The following HIVEP3 variants were observed in gnomAD, a reference collection of about 807,000 sequenced individuals.
HIVEP3 encodes transcription factor HIVEP3.
In HIVEP3, 49 loss-of-function variants were observed where a neutral mutation model predicts 152.8. The ratio of observed to expected loss-of-function variants is 0.32; its 90% CI spans 0.26 to 0.41. The LOEUF (loss-of-function observed/expected upper bound fraction) is 0.41. HIVEP3 is among the 10% of genes least tolerant of loss of function. The probability of loss-of-function intolerance (pLI) is 1.00; values close to 1 mark genes in which losing one functional copy is unlikely to be tolerated. For synonymous variants in HIVEP3, 1,269 were observed against 1,289.0 expected, an observed-to-expected ratio of 0.98 and a Z score of 0.33; for missense variants, 2,790 against 3,103.3, an observed-to-expected ratio of 0.90 and a Z score of 2.40.
chr1:41,718,797 C>T (rs997634383), intron 1 of HIVEP3, among the ~76,000 whole-genome samples: 4 of 146,876 alleles, frequency 2.7e-5, no homozygotes, highest in African/African-American at 5.4e-5. Flanking sequence ...CACACACACA[C>T]GTGCACACAC....
chr1:41,706,364 C>T (rs1327811445), intron 1 of HIVEP3, among the ~76,000 whole-genome samples: 5 of 152,160 alleles, frequency 3.3e-5, no homozygotes, highest in Non-Finnish European at 5.9e-5. Context: ...TCACTGCAAC[C>T]TCTGCCTCCC....
chr1:41,894,822 A>C (rs1356607383), intron 1 of HIVEP3, among the ~76,000 whole-genome samples: 2 of 152,212 alleles, frequency 1.3e-5, no homozygotes, highest in Non-Finnish European at 2.9e-5. Context: ...GAAAGGTCCC[A>C]AGTCTGTCTA....
At chr1:41,564,007 C>G (rs1339021219) in intron 5 of HIVEP3, among the ~76,000 whole-genome samples, 1 of 152,256 alleles carries the variant, frequency 6.6e-6, no homozygotes, top group East Asian at 1.9e-4. Context: ...GCCTAGCTAA[C>G]ATGGTGAAAC....
chr1:41,564,657 C>A (rs1162867940), intron 5 of HIVEP3, among the ~76,000 whole-genome samples: 1 of 152,092 alleles, frequency 6.6e-6, no homozygotes, highest in Non-Finnish European at 1.5e-5. Context: ...TGATTTCCAC[C>A]CCAGAATTCT....
intron 1 of HIVEP3, among the ~76,000 whole-genome samples, chr1:42,032,544 TAC>T (rs1645618959): frequency 1.3e-5 from 2 of 152,192 alleles, no homozygotes; most frequent in Non-Finnish European, 2.9e-5. Flanking sequence ...CGGTCTACGA[TAC>T]AGCTTTGGGG....
chr1:41,777,011 C>T (rs931259646), intron 1 of HIVEP3, among the ~76,000 whole-genome samples: 1 of 152,156 alleles, frequency 6.6e-6, no homozygotes, highest in African/African-American at 2.4e-5. Context: ...GGACTTCAGC[C>T]CAGGACTTGG....
rs538367766 is a variant in HIVEP3, at chr1:41,801,175, G to T, written c.-800-100180C>A. 3.9e-5 allele frequency among the ~76,000 whole-genome samples: 6 copies of T among 152,312 alleles called. No homozygotes were observed. The South Asian group carries it at 1.2e-3, about 32-fold the overall frequency. On this transcript the variant is annotated intron_variant, in intron 1 of 8. Coordinates refer to ENST00000372583, the MANE Select transcript of HIVEP3 (RefSeq NM_024503.5). ...TTTGCTGAAGGACCCTCTGTGCTGA[G>T]CCTGGAAGGAAGAGAGGTCCCTGCA...
intron 3 of HIVEP3, among the ~76,000 whole-genome samples, chr1:41,622,607 C>G (rs75738494): frequency 1.3e-5 from 2 of 152,204 alleles, no homozygotes; most frequent in Non-Finnish European, 2.9e-5. Flanking sequence ...AGACTATATG[C>G]CCGGCAAAGC....
At chr1:41,926,333 C>A (rs114400750) in intron 1 of HIVEP3, among the ~76,000 whole-genome samples, 78 of 152,242 alleles carry the variant, frequency 5.1e-4, no homozygotes, top group African/African-American at 1.5e-3. Flanking sequence ...TACATTTAGC[C>A]CTATTATGTT....
intron 1 of HIVEP3, among the ~76,000 whole-genome samples, chr1:41,740,055 C>T (rs6663009): frequency 0.084 from 12,844 of 152,246 alleles, 1,321 homozygotes; most frequent in African/African-American, 0.24. Context: ...GTAACTTGCC[C>T]AAAGTCACAC....
At chr1:42,022,581 C>G (rs917136741) in intron 1 of HIVEP3, among the ~76,000 whole-genome samples, 1 of 152,294 alleles carries the variant, frequency 6.6e-6, no homozygotes, top group South Asian at 2.1e-4. Flanking sequence ...GGAAGAGACT[C>G]TTGTTTTATA....
chr1:41,795,417 C>A (rs1265429214), intron 1 of HIVEP3, among the ~76,000 whole-genome samples: 1 of 152,162 alleles, frequency 6.6e-6, no homozygotes, highest in African/African-American at 2.4e-5. Flanking sequence ...CAACAAGGTG[C>A]ATTACTGGTG....
intron 1 of HIVEP3, among the ~76,000 whole-genome samples, chr1:41,745,381 T>C (rs1241939394): frequency 6.6e-6 from 1 of 152,226 alleles, no homozygotes; most frequent in Non-Finnish European, 1.5e-5. Context: ...AGTCTCCTGT[T>C]TGATCGTTAA....
intron 1 of HIVEP3, among the ~76,000 whole-genome samples, chr1:41,953,671 A>G (rs954370015): frequency 3.3e-5 from 5 of 152,210 alleles, no homozygotes; most frequent in Non-Finnish European, 5.9e-5. Context: ...TGAGTGAATG[A>G]TCTGCCAAAT....
chr1:41,635,755 G>A (rs374151085), intron 2 of HIVEP3, among the ~76,000 whole-genome samples: 3 of 151,520 alleles, frequency 2.0e-5, no homozygotes, highest in East Asian at 1.9e-4. Flanking sequence ...AGGCAAAGTC[G>A]CAAATAATCA....
intron 2 of HIVEP3, among the ~76,000 whole-genome samples, chr1:41,644,693 C>CTTTTTTTTTT (rs60511656): frequency 6.7e-5 from 5 of 74,728 alleles, no homozygotes; most frequent in Admixed American, 1.9e-4. Flanking sequence ...CATATCTGTT[C>CTTTTTTTTTT]TTTTTTTTTT....
chr1:41,838,549 T>C (rs774304682), intron 1 of HIVEP3, among the ~76,000 whole-genome samples: 16 of 152,124 alleles, frequency 1.1e-4, no homozygotes, highest in Non-Finnish European at 1.8e-4. Flanking sequence ...TCCTTACCCA[T>C]AAATGGCACC....
chr1:41,950,061 C>T (rs1645097522), intron 1 of HIVEP3, among the ~76,000 whole-genome samples: 2 of 152,162 alleles, frequency 1.3e-5, no homozygotes, highest in Non-Finnish European at 2.9e-5. Context: ...TGACCGCATC[C>T]ACCTTTAAAC....
intron 1 of HIVEP3, among the ~76,000 whole-genome samples, chr1:41,992,871 CA>C (rs1645371537): frequency 7.4e-6 from 1 of 134,302 alleles, no homozygotes; most frequent in African/African-American, 3.0e-5. Context: ...TGATCTTTGA[CA>C]AACCTGAGAA....
Sources: allele counts gnomAD v4.1 joint callset (sites outside exome capture counted in the v4.1 genomes callset), GRCh38; gene constraint gnomAD v4.1.1; transcripts MANE v1.5; gene names NCBI Gene and HGNC (gene_info 2026-07-23, HGNC 2026-07-21).